TESK2: variants seen among roughly 807,000 people sequenced by gnomAD.
TESK2 encodes the protein dual specificity testis-specific protein kinase 2.
TESK2 carries 39 observed loss-of-function variants against 57.1 expected under a neutral mutation model. The observed-to-expected ratio is 0.68, with a 90% confidence interval of 0.53 to 0.89. The LOEUF is 0.89. TESK2 is among the 40% of genes least tolerant of loss of function. The pLI, the probability that TESK2 is intolerant of heterozygous loss-of-function variation, is 0.00. For missense variants in TESK2, 646 were observed against 732.1 expected, an observed-to-expected ratio of 0.88 and a Z score of 1.36; for synonymous variants, 249 against 267.9, an observed-to-expected ratio of 0.93 and a Z score of 0.69.
At chr1:45,357,575 G>GA (rs1427561222) in intron 4 of TESK2, among the ~76,000 whole-genome samples, 1 of 147,682 alleles carries the variant, frequency 6.8e-6, no homozygotes, top group African/African-American at 2.5e-5. Context: ...AAAAAAAAAA[G>GA]AAAAAAAAGT....
intron 3 of TESK2, chr1:45,413,816 C>T (rs11811068): frequency 2.1e-4 from 97 of 456,150 alleles, no homozygotes; most frequent in African/African-American, 1.4e-3. Flanking sequence ...ATGGATTCTT[C>T]CCAATGTAGA....
At chr1:45,422,225 T>C (rs984676718) in intron 2 of TESK2, among the ~76,000 whole-genome samples, 2 of 151,978 alleles carry the variant, frequency 1.3e-5, no homozygotes, top group Admixed American at 6.6e-5. Flanking sequence ...GTTTTGAACA[T>C]TGAGAACACA....
chr1:45,477,106 G>A (rs1006905967), intron 1 of TESK2, among the ~76,000 whole-genome samples: 2 of 148,398 alleles, frequency 1.3e-5, no homozygotes, highest in African/African-American at 5.0e-5. Flanking sequence ...GCACATGCCT[G>A]TAATTCCAGC....
intron 1 of TESK2, among the ~76,000 whole-genome samples, chr1:45,490,550 AAG>A (rs1461254386): frequency 6.6e-6 from 1 of 152,150 alleles, no homozygotes; most frequent in Non-Finnish European, 1.5e-5. Context: ...TCTCTGAAAC[AAG>A]AGTTTTCCGA....
rs181841870 is a variant in TESK2, at chr1:45,483,137, C to T, written c.-87+7715G>A. 6.4e-4 allele frequency among the ~76,000 whole-genome samples: 94 copies of T among 147,598 alleles called. 2 individuals are homozygous for T. The East Asian group carries it at 0.016, about 26-fold the overall frequency. On this transcript the variant is annotated intron_variant, in intron 1 of 10. Coordinates refer to ENST00000372086, the MANE Select transcript of TESK2 (RefSeq NM_007170.3). ...TACTAAAAATACAAAAAAAATTAGCCGGGCATGGTAGCGGGTACCTGTAAT... is the reference window on the plus strand; with the variant it reads ...TACTAAAAATACAAAAAAAATTAGCTGGGCATGGTAGCGGGTACCTGTAAT...
intron 4 of TESK2, among the ~76,000 whole-genome samples, chr1:45,360,008 T>A (rs917543573): frequency 6.6e-6 from 1 of 152,130 alleles, no homozygotes; most frequent in Non-Finnish European, 1.5e-5. Flanking sequence ...CTTGGAAGCG[T>A]CGGACCAGTT....
chr1:45,358,374 G>A (rs967877216), intron 4 of TESK2, among the ~76,000 whole-genome samples: 10 of 152,078 alleles, frequency 6.6e-5, no homozygotes, highest in African/African-American at 2.2e-4. Context: ...CTACTCACAG[G>A]TTGAGGTTGG....
chr1:45,400,185 G>A (rs1649541771), intron 3 of TESK2, among the ~76,000 whole-genome samples: 1 of 152,224 alleles, frequency 6.6e-6, no homozygotes, highest in African/African-American at 2.4e-5. Context: ...GGAAGAGGGA[G>A]GCAGAAGAGT....
At chr1:45,481,037 T>G (rs1033355417) in intron 1 of TESK2, among the ~76,000 whole-genome samples, 11 of 150,786 alleles carry the variant, frequency 7.3e-5, no homozygotes, top group African/African-American at 2.7e-4. Flanking sequence ...GGAAGCTCTC[T>G]ATGTACTGAT....
intron 6 of TESK2, 112 bp from the exon 7 acceptor site, chr1:45,347,805 G>T: frequency 6.9e-7 from 1 of 1,446,112 alleles, no homozygotes; most frequent in South Asian, 1.1e-5. Context: ...AACAAATTTA[G>T]GGAGCTGAGG....
intron 4 of TESK2, among the ~76,000 whole-genome samples, chr1:45,356,929 C>T (rs1647447806): frequency 6.6e-6 from 1 of 152,134 alleles, no homozygotes; most frequent in Admixed American, 6.5e-5. Context: ...CGCAATGGCT[C>T]ATGCCTGTAA....
chr1:45,402,187 C>T (rs1435929353), intron 3 of TESK2, among the ~76,000 whole-genome samples: 3 of 150,812 alleles, frequency 2.0e-5, no homozygotes, highest in Non-Finnish European at 2.9e-5. Context: ...GCCAGGAGTT[C>T]AGGACCAGTC....
chr1:45,352,820 C>A (rs1647269643), intron 5 of TESK2, among the ~76,000 whole-genome samples: 1 of 151,998 alleles, frequency 6.6e-6, no homozygotes, highest in Admixed American at 6.5e-5. Flanking sequence ...ATGGCGCTTT[C>A]TGAGTAGGAA....
intron 1 of TESK2, among the ~76,000 whole-genome samples, chr1:45,464,476 T>C (rs1301200818): frequency 6.6e-6 from 1 of 152,062 alleles, no homozygotes; most frequent in Non-Finnish European, 1.5e-5. Context: ...TTTCACTTAT[T>C]TGGTTAAGAT....
At chr1:45,424,858 A>G (rs1400133061) in intron 2 of TESK2, among the ~76,000 whole-genome samples, 1 of 152,232 alleles carries the variant, frequency 6.6e-6, no homozygotes, top group Admixed American at 6.5e-5. Context: ...ATTTGATAAA[A>G]TTCAACATCT....
chr1:45,475,209 C>CTTTTTTTTTTTTTTTTTTTTTTTTT (rs375872140), intron 1 of TESK2, among the ~76,000 whole-genome samples: 2 of 113,158 alleles, frequency 1.8e-5, no homozygotes, highest in African/African-American at 3.6e-5. Flanking sequence ...TTAGCCTGGC[C>CTTTTTTTTTTTTTTTTTTTTTTTTT]TTTTTTTTTT....
At chr1:45,479,499 T>G (rs1479586127) in intron 1 of TESK2, among the ~76,000 whole-genome samples, 1 of 151,760 alleles carries the variant, frequency 6.6e-6, no homozygotes, top group Non-Finnish European at 1.5e-5. Flanking sequence ...TGGCTCAATC[T>G]CGACTCACTG....
At chr1:45,450,831 G>T (rs1375136600) in intron 2 of TESK2, among the ~76,000 whole-genome samples, 2 of 151,672 alleles carry the variant, frequency 1.3e-5, no homozygotes, top group Admixed American at 1.3e-4. Context: ...CAACGTGCAG[G>T]TTTGTTACAT....
At chr1:45,431,430 A>G (rs887481208) in intron 2 of TESK2, among the ~76,000 whole-genome samples, 1 of 152,126 alleles carries the variant, frequency 6.6e-6, no homozygotes. Context: ...AGAAAAAAAA[A>G]AAGATGCAAG....
Sources: gnomAD v4.1 joint callset for allele counts (sites outside exome capture counted in the v4.1 genomes callset) on GRCh38, gnomAD v4.1.1 for gene constraint, MANE v1.5 for transcripts, NCBI Gene and HGNC (gene_info 2026-07-23, HGNC 2026-07-21) for gene names.